ANKRD28: variants seen among roughly 807,000 people sequenced by gnomAD.
The protein encoded by ANKRD28 is ankyrin repeat domain 28.
ANKRD28 carries 44 observed loss-of-function variants against 126.5 expected under a neutral mutation model. The ratio of observed to expected loss-of-function variants is 0.35; its 90% CI spans 0.27 to 0.45. The LOEUF is 0.45. Ranked by LOEUF, ANKRD28 falls within the 20% of genes least tolerant of loss-of-function variation. The probability of loss-of-function intolerance (pLI) is 1.00; values close to 1 mark genes in which losing one functional copy is unlikely to be tolerated. For missense variants in ANKRD28, 1,110 were observed against 1,316.6 expected (o/e 0.84, Z 2.43); for synonymous variants, 442 against 468.5 (o/e 0.94, Z 0.73).
At chr3:15,681,457 G>T (rs1270125343) in intron 21 of ANKRD28, among the ~76,000 whole-genome samples, 2 of 152,018 alleles carry the variant, frequency 1.3e-5, no homozygotes, top group African/African-American at 4.8e-5. Context: ...CAGAGCCAGG[G>T]TTTTAATTTA....
rs2061510999 is a variant in ANKRD28, at chr3:15,845,469, T to C, written c.27+13908A>G. Among the ~76,000 whole-genome samples the C allele has an allele frequency of 6.6e-6, 1 of 152,228 alleles. No individual in the cohort carries two copies. The highest frequency in any genetic ancestry group is 2.4e-5 in the African/African-American group (1 of 41,454). On this transcript the variant is annotated intron_variant, in intron 1 of 27. Coordinates refer to the ANKRD28 transcript ENST00000399451. This position sits in a 1 kb window ranked among gnomAD's most constrained non-coding sequence, Gnocchi z 4.9. ...AGTTTCTTGATTCCAGACATCTCTATTTCAATCATTCAGGCACTTACAGAC... is the reference window on the plus strand; with the variant it reads ...AGTTTCTTGATTCCAGACATCTCTACTTCAATCATTCAGGCACTTACAGAC...
At chr3:15,761,450 T>C (rs1466070499) in intron 3 of ANKRD28, among the ~76,000 whole-genome samples, 1 of 152,206 alleles carries the variant, frequency 6.6e-6, no homozygotes, top group Non-Finnish European at 1.5e-5. Flanking sequence ...CCATAATTCA[T>C]TAAAAGGCTG....
At chr3:15,746,642 T>A (rs540995705) in intron 4 of ANKRD28, among the ~76,000 whole-genome samples, 43 of 152,300 alleles carry the variant, frequency 2.8e-4, no homozygotes, top group African/African-American at 1.0e-3. Context: ...CTTATGCATC[T>A]ATGCTCATCA....
chr3:15,857,251 T>C (rs2061793575), intron 1 of ANKRD28, among the ~76,000 whole-genome samples: 1 of 152,178 alleles, frequency 6.6e-6, no homozygotes, highest in Admixed American at 6.5e-5. Context: ...ACCTCAATGT[T>C]CGTTCTCCCT....
At chr3:15,713,398 G>T in intron 10 of ANKRD28, 129 bp downstream of exon 10, 1 of 665,092 alleles carries the variant, frequency 1.5e-6, no homozygotes, top group Non-Finnish European at 2.5e-6. Flanking sequence ...CAATACAAAA[G>T]AAAGTTCAAG....
intron 17 of ANKRD28, among the ~76,000 whole-genome samples, chr3:15,690,665 A>C (rs547173612): frequency 3.9e-5 from 6 of 152,264 alleles, no homozygotes; most frequent in Admixed American, 1.3e-4. Context: ...TCTGGGCTTA[A>C]GTGATCCTCC....
chr3:15,733,305 T>C (rs1027397821), intron 6 of ANKRD28: 1 of 152,284 alleles, frequency 6.6e-6, no homozygotes, highest in South Asian at 2.1e-4. Flanking sequence ...AATACTGTCA[T>C]ATGGGGATAA....
At chr3:15,699,194 A>T (rs1156691796) in intron 14 of ANKRD28, among the ~76,000 whole-genome samples, 1 of 152,232 alleles carries the variant, frequency 6.6e-6, no homozygotes, top group Non-Finnish European at 1.5e-5. Context: ...CCATATGTAG[A>T]AAGCTGAAAC....
At chr3:15,717,853 T>G (rs2470517) in intron 8 of ANKRD28, among the ~76,000 whole-genome samples, 1 of 152,002 alleles carries the variant, frequency 6.6e-6, no homozygotes, top group Admixed American at 6.6e-5. Context: ...AATGAATTTA[T>G]AACCTTAGAA....
intron 2 of ANKRD28, among the ~76,000 whole-genome samples, chr3:15,773,122 A>G (rs1206454390): frequency 6.6e-6 from 1 of 151,486 alleles, no homozygotes; most frequent in African/African-American, 2.4e-5. Context: ...TATAAAGAAA[A>G]TCCCAAGGAA....
At chr3:15,754,459 C>T (rs2058049432) in intron 3 of ANKRD28, among the ~76,000 whole-genome samples, 1 of 152,048 alleles carries the variant, frequency 6.6e-6, no homozygotes, top group South Asian at 2.1e-4. Flanking sequence ...CAGTAAAATG[C>T]TTCCTTTAAG....
At position 15,697,914 on chromosome 3, in the gene ANKRD28, GTTAT is replaced by G. The variant is rs752895244; in HGVS notation, c.1548-1673_1548-1670del. Among the ~76,000 whole-genome samples, 4 of 152,266 alleles carry G rather than the reference GTTAT, an allele frequency of 2.6e-5. No homozygotes were observed. In the South Asian group the frequency reaches 6.2e-4, roughly 24 times the overall value. ...AATTATTGCCTCAATTTCAGAACCT[GTTAT>G]TTGTCTATTCAGAGATTCAACTTCT... is the stretch of plus-strand genomic sequence containing the variant. On this transcript the variant is annotated intron_variant, in intron 14 of 27. Transcript: ENST00000683139.
At chr3:15,753,797 G>C (rs1216874456) in intron 3 of ANKRD28, among the ~76,000 whole-genome samples, 2 of 152,172 alleles carry the variant, frequency 1.3e-5, no homozygotes, top group South Asian at 4.1e-4. Flanking sequence ...ACAAAAATTA[G>C]CCAGATGTGG....
intron 1 of ANKRD28, among the ~76,000 whole-genome samples, chr3:15,849,270 T>A (rs959381764): frequency 2.0e-5 from 3 of 152,324 alleles, no homozygotes; most frequent in Middle Eastern, 6.8e-3. Context: ...AAATTACAAC[T>A]GTCTTTCTGG....
At position 15,696,251 on chromosome 3, in the gene ANKRD28, T is replaced by TACA. The variant is rs145970527; in HGVS notation, c.1548-9_1548-7dup. 1,611 of 1,507,008 alleles carry TACA rather than the reference T, an allele frequency of 1.1e-3. 8 individuals are homozygous for TACA. The African/African-American group carries it at 0.019, about 18-fold the overall frequency. The allele number at this position is 1,507,008 out of a possible 1,614,324, so 93.4% of individuals were successfully genotyped here. On this transcript the variant is annotated splice_region_variant and splice_polypyrimidine_tract_variant and intron_variant, in intron 14 of 27. Transcript: ENST00000683139. ...TTAATAAGTATTCCAGGCACCTATATACAACAACAACAACATACTGAAAAT... is the reference window on the plus strand; with the variant it reads ...TTAATAAGTATTCCAGGCACCTATATACAACAACAACAACAACATACTGAAAAT...
In ANKRD28 at chr3:15,818,630, G is replaced by C. The variant is rs2060882142; in HGVS notation, c.28-23324C>G. On this transcript the variant is annotated intron_variant, in intron 1 of 27. Transcript: ENST00000399451. ...ATTAGTAACAACTAATAATAAAATAGAACAATTTTAACAACACACTGTAAA... is the reference window on the plus strand; with the variant it reads ...ATTAGTAACAACTAATAATAAAATACAACAATTTTAACAACACACTGTAAA... Among the ~76,000 whole-genome samples, 6 of 152,052 alleles carry C rather than the reference G, an allele frequency of 3.9e-5. No individual in the cohort carries two copies. The South Asian group carries it at 1.2e-3, about 32-fold the overall frequency.
At chr3:15,800,037 T>C (rs561548368), upstream of ANKRD28, among the ~76,000 whole-genome samples, 180 of 152,124 alleles carry the variant, frequency 1.2e-3, no homozygotes, top group African/African-American at 4.2e-3. Flanking sequence ...CAATTAAAAT[T>C]TCAGAAGTTG....
intron 8 of ANKRD28, among the ~76,000 whole-genome samples, chr3:15,718,969 T>C (rs1361328952): frequency 3.9e-5 from 6 of 152,204 alleles, no homozygotes; most frequent in Non-Finnish European, 8.8e-5. Flanking sequence ...TTATCCAAAG[T>C]GCAGGAATTC....
chr3:15,673,162 T>C (rs2066556032), intron 27 of ANKRD28, among the ~76,000 whole-genome samples: 1 of 152,374 alleles, frequency 6.6e-6, no homozygotes, highest in African/African-American at 2.4e-5. Context: ...GGCTTAGCAG[T>C]TGCATTTTTT....
Sources: allele counts gnomAD v4.1 joint callset (sites outside exome capture counted in the v4.1 genomes callset), GRCh38; gene constraint gnomAD v4.1.1; non-coding constraint Gnocchi (gnomAD v3.1); transcripts MANE v1.5; gene names NCBI Gene and HGNC (gene_info 2026-07-23, HGNC 2026-07-21).